The following SH3RF3 variants were observed in gnomAD, a reference collection of about 807,000 sequenced individuals.
The protein encoded by SH3RF3 is E3 ubiquitin-protein ligase SH3RF3.
SH3RF3 carries 29 observed loss-of-function variants against 66.3 expected under a neutral mutation model. The observed-to-expected ratio is 0.44, with a 90% CI of 0.33 to 0.60. The LOEUF (loss-of-function observed/expected upper bound fraction) is 0.60. SH3RF3 is among the 20% of genes least tolerant of loss of function. SH3RF3 has a pLI of 0.04. For missense variants in SH3RF3, 1,194 were observed against 1,190.9 expected, an observed-to-expected ratio of 1.00 and a Z score of -0.04; for synonymous variants, 583 against 532.0, an observed-to-expected ratio of 1.10 and a Z score of -1.32.
intron 3 of SH3RF3, among the ~76,000 whole-genome samples, chr2:109,378,698 T>G (rs1354802802): frequency 6.6e-6 from 1 of 152,200 alleles, no homozygotes. Context: ...AAGCCTTTCA[T>G]GTGGGGCTAA....
chr2:109,255,992 C>G (rs1389333322), intron 1 of SH3RF3, among the ~76,000 whole-genome samples: 1 of 152,164 alleles, frequency 6.6e-6, no homozygotes, highest in African/African-American at 2.4e-5. Flanking sequence ...GGAAGATTCC[C>G]TGTGTGTGCT....
At chr2:109,231,128 G>T (rs1241251466) in intron 1 of SH3RF3, among the ~76,000 whole-genome samples, 2 of 152,236 alleles carry the variant, frequency 1.3e-5, no homozygotes, top group Non-Finnish European at 2.9e-5. Flanking sequence ...TGCCTAGCAT[G>T]GACTTAGTGA....
intron 8 of SH3RF3, among the ~76,000 whole-genome samples, chr2:109,481,095 A>T (rs1014218513): frequency 1.3e-5 from 2 of 152,170 alleles, no homozygotes; most frequent in Admixed American, 6.5e-5. Context: ...TGCCAAAAAG[A>T]ATCTGACAGC....
intron 1 of SH3RF3, among the ~76,000 whole-genome samples, chr2:109,148,866 G>A (rs1333377995): frequency 3.3e-5 from 5 of 151,800 alleles, no homozygotes; most frequent in Non-Finnish European, 1.5e-5. Flanking sequence ...AGTATTTTAG[G>A]TGAATTCATG....
intron 7 of SH3RF3, among the ~76,000 whole-genome samples, chr2:109,448,177 G>A (rs1378585422): frequency 6.6e-6 from 1 of 152,208 alleles, no homozygotes; most frequent in East Asian, 1.9e-4. Flanking sequence ...ATGCAGTGGT[G>A]CTTAATAATT....
Position 109,129,995 on chromosome 2 carries a change from G to C in SH3RF3, c.455G>C (p.Gly152Ala), listed in dbSNP as rs1676648707. 1 of 1,294,798 alleles carries C rather than the reference G, an allele frequency of 7.7e-7. No homozygotes were observed. Among genetic ancestry groups the C allele is most frequent in the South Asian group, 2.4e-5 (1 of 41,344 alleles). 80.2% of individuals were successfully genotyped at this position (1,294,798 alleles called of 1,614,324 possible). Residue 152 changes from glycine (G) to alanine (A), a missense_variant, in exon 1 of 10, where the codon GGC (glycine) becomes GCC (alanine). By Grantham distance (60) the Gly-to-Ala change is moderately conservative. Coordinates refer to ENST00000309415, the MANE Select transcript of SH3RF3 (RefSeq NM_001099289.3). Reference sequence around the variant, plus strand: ...AGTGCGGCCCCCACGCTCGCGGGCGGCGGGGGCGGCGCGGCAGGCAGCACC... The same window carrying C: ...AGTGCGGCCCCCACGCTCGCGGGCGCCGGGGGCGGCGCGGCAGGCAGCACC... ...GQSAAPTLAG[G>A]GGGAAGSTPG...
chr2:109,434,430 G>A (rs1005916539), intron 6 of SH3RF3, among the ~76,000 whole-genome samples: 2 of 152,214 alleles, frequency 1.3e-5, no homozygotes, highest in Non-Finnish European at 2.9e-5. Flanking sequence ...TGTAAAGCCT[G>A]CGGTTGAAAT....
intron 1 of SH3RF3, among the ~76,000 whole-genome samples, chr2:109,211,455 C>T (rs1026619662): frequency 1.8e-4 from 27 of 152,108 alleles, no homozygotes; most frequent in African/African-American, 5.6e-4. Context: ...GAGTAGGGGC[C>T]GTGTCTGAGA....
chr2:109,429,705 C>A (rs538734110), intron 5 of SH3RF3, among the ~76,000 whole-genome samples: 1 of 152,306 alleles, frequency 6.6e-6, no homozygotes, highest in East Asian at 1.9e-4. Context: ...CCTGAACATG[C>A]GTGACCATGG....
chr2:109,390,462 T>C (rs1031375520), intron 3 of SH3RF3, among the ~76,000 whole-genome samples: 3 of 152,126 alleles, frequency 2.0e-5, no homozygotes, highest in Admixed American at 2.0e-4. Context: ...TCCTGGAATC[T>C]TCCTTCTGGC....
intron 1 of SH3RF3, among the ~76,000 whole-genome samples, chr2:109,282,460 A>T (rs769230384): frequency 1.1e-4 from 17 of 152,160 alleles, no homozygotes; most frequent in Non-Finnish European, 2.5e-4. Context: ...CTGCCAGGTC[A>T]TGAGCACTGC....
intron 1 of SH3RF3, among the ~76,000 whole-genome samples, chr2:109,179,540 C>G (rs1017561047): frequency 2.0e-5 from 3 of 152,170 alleles, no homozygotes; most frequent in Non-Finnish European, 4.4e-5. Context: ...CATGAGCTCA[C>G]AGTTCTGGAG....
chr2:109,338,886 G>A (rs1316771570), intron 1 of SH3RF3, among the ~76,000 whole-genome samples: 3 of 151,198 alleles, frequency 2.0e-5, no homozygotes, highest in Non-Finnish European at 4.4e-5. Flanking sequence ...ACTCCTAAGA[G>A]CTTACTGTTG....
chr2:109,458,303 C>T (rs552375947), intron 8 of SH3RF3, among the ~76,000 whole-genome samples: 4 of 152,206 alleles, frequency 2.6e-5, no homozygotes, highest in Admixed American at 6.5e-5. Context: ...TCAAATAGAA[C>T]CAATAGGTCA....
At chr2:109,433,169 C>T (rs939967959) in intron 6 of SH3RF3, among the ~76,000 whole-genome samples, 1 of 152,150 alleles carries the variant, frequency 6.6e-6, no homozygotes, top group Non-Finnish European at 1.5e-5. Context: ...AATGTAGGTA[C>T]AGCATGTGTG....
At chr2:109,501,388 A>G in intron 9 of SH3RF3, 115 bp from the exon 10 acceptor site, 1 of 560,034 alleles carries the variant, frequency 1.8e-6, no homozygotes. Context: ...GAAATTGTAT[A>G]AAGTGGGAAA....
At chr2:109,379,832 G>T (rs762924302) in intron 3 of SH3RF3, among the ~76,000 whole-genome samples, 9 of 152,122 alleles carry the variant, frequency 5.9e-5, no homozygotes, top group Non-Finnish European at 1.0e-4. Context: ...GCGAGGACCA[G>T]AAGGCAGGGA....
intron 8 of SH3RF3, among the ~76,000 whole-genome samples, chr2:109,476,927 G>A (rs1678698854): frequency 6.6e-6 from 1 of 152,176 alleles, no homozygotes; most frequent in African/African-American, 2.4e-5. Context: ...TAGCAGTGAG[G>A]ACAACCAGAG....
At chr2:109,197,900 A>C (rs1224439775) in intron 1 of SH3RF3, among the ~76,000 whole-genome samples, 1 of 152,242 alleles carries the variant, frequency 6.6e-6, no homozygotes, top group Non-Finnish European at 1.5e-5. Context: ...TTTTGCATCA[A>C]ATCCCACAGA....
Sources: allele counts gnomAD v4.1 joint callset (sites outside exome capture counted in the v4.1 genomes callset), GRCh38; gene constraint gnomAD v4.1.1; transcripts MANE v1.5; gene names NCBI Gene and HGNC (gene_info 2026-07-23, HGNC 2026-07-21).